The following DAPK1 variants were observed in gnomAD, a reference collection of about 807,000 sequenced individuals.
DAPK1 encodes the protein death associated protein kinase 1.
DAPK1 carries 56 observed loss-of-function variants against 144.9 expected under a neutral mutation model. The ratio of observed to expected loss-of-function variants is 0.39; its 90% CI spans 0.31 to 0.48. DAPK1 has a LOEUF of 0.48. DAPK1 is among the 20% of genes least tolerant of loss of function. The pLI, the probability that DAPK1 is intolerant of heterozygous loss-of-function variation, is 0.95. For synonymous variants in DAPK1, 690 were observed against 749.0 expected, an observed-to-expected ratio of 0.92 and a Z score of 1.29; for missense variants, 1,454 against 1,875.4, an observed-to-expected ratio of 0.78 and a Z score of 4.15.
At chr9:87,623,223 A>G (rs1222547565) in intron 3 of DAPK1, among the ~76,000 whole-genome samples, 1 of 152,196 alleles carries the variant, frequency 6.6e-6, no homozygotes, top group Admixed American at 6.5e-5. Context: ...CTTTTCACCA[A>G]TCCAGCATTC....
intron 20 of DAPK1, among the ~76,000 whole-genome samples, chr9:87,682,370 G>A (rs1334250484): frequency 1.3e-5 from 2 of 152,194 alleles, no homozygotes; most frequent in African/African-American, 4.8e-5. Context: ...CAGAGCGAGT[G>A]AGTTTGTGGA....
chr9:87,679,966 G>A (rs1264073738), intron 19 of DAPK1, among the ~76,000 whole-genome samples: 2 of 151,980 alleles, frequency 1.3e-5, no homozygotes, highest in Non-Finnish European at 2.9e-5. Context: ...TGATTAAATC[G>A]AAGGCTTCTA....
At chr9:87,527,615 A>G (rs1483523707) in intron 2 of DAPK1, among the ~76,000 whole-genome samples, 1 of 152,210 alleles carries the variant, frequency 6.6e-6, no homozygotes, top group Non-Finnish European at 1.5e-5. Flanking sequence ...AAAGATCCCT[A>G]AAGCCTTTAA....
chr9:87,652,199 C>CT (rs1830468515), intron 17 of DAPK1, among the ~76,000 whole-genome samples: 6 of 123,500 alleles, frequency 4.9e-5, no homozygotes, highest in Admixed American at 3.9e-4. Context: ...CTGTGTCCAT[C>CT]CCCCCGATCC....
chr9:87,518,923 A>G (rs1825187962), intron 2 of DAPK1, among the ~76,000 whole-genome samples: 1 of 151,990 alleles, frequency 6.6e-6, no homozygotes, highest in African/African-American at 2.4e-5. Flanking sequence ...TCCAGGAAAA[A>G]AAAAAAAAAG....
At chr9:87,651,246 T>G (rs1455897723) in intron 16 of DAPK1, among the ~76,000 whole-genome samples, 2 of 152,232 alleles carry the variant, frequency 1.3e-5, no homozygotes, top group Non-Finnish European at 2.9e-5. Context: ...TATCAACAAT[T>G]ACTTATGTTC....
intron 19 of DAPK1, 145 bp from the exon 20 acceptor site, chr9:87,681,259 C>T: frequency 3.4e-6 from 2 of 582,982 alleles, no homozygotes; most frequent in Non-Finnish European, 6.0e-6. Context: ...GTCTGGGCAA[C>T]AAGAGTGAAA....
At chr9:87,642,835 C>G (rs1015037786) in intron 10 of DAPK1, among the ~76,000 whole-genome samples, 9 of 152,204 alleles carry the variant, frequency 5.9e-5, no homozygotes, top group African/African-American at 2.2e-4. Context: ...CTTTCTCGCT[C>G]TCATTCTTTA....
At chr9:87,617,103 A>G (rs368881879) in intron 3 of DAPK1, among the ~76,000 whole-genome samples, 3 of 152,156 alleles carry the variant, frequency 2.0e-5, no homozygotes, top group South Asian at 4.1e-4. Flanking sequence ...CCCTTCCCCA[A>G]TGGCATCCTT....
chr9:87,637,661 A>G (rs991613470), intron 3 of DAPK1, among the ~76,000 whole-genome samples: 3 of 152,176 alleles, frequency 2.0e-5, no homozygotes, highest in African/African-American at 7.2e-5. Flanking sequence ...TGTTTTCAAG[A>G]TACACTGATA....
intron 19 of DAPK1, among the ~76,000 whole-genome samples, chr9:87,670,200 C>A (rs1489458775): frequency 6.6e-6 from 1 of 151,978 alleles, no homozygotes; most frequent in Non-Finnish European, 1.5e-5. Flanking sequence ...CAAGGGAGAT[C>A]CCGTGAGTCG....
intron 19 of DAPK1, among the ~76,000 whole-genome samples, chr9:87,669,343 T>TGG (rs10577481): frequency 4.0e-4 from 57 of 140,898 alleles, no homozygotes; most frequent in South Asian, 7.0e-4. Flanking sequence ...TTGCTTGGGG[T>TGG]GGGGGGGGGT....
intron 19 of DAPK1, among the ~76,000 whole-genome samples, chr9:87,673,578 G>A (rs1296610351): frequency 1.3e-5 from 2 of 152,172 alleles, no homozygotes; most frequent in African/African-American, 4.8e-5. Flanking sequence ...TGAGGCCAAG[G>A]CTACAGCTCT....
intron 2 of DAPK1, among the ~76,000 whole-genome samples, chr9:87,585,401 G>T (rs980970684): frequency 6.6e-6 from 1 of 152,190 alleles, no homozygotes; most frequent in Non-Finnish European, 1.5e-5. Context: ...GCTTATTGTA[G>T]CATGTAGGTT....
intron 3 of DAPK1, among the ~76,000 whole-genome samples, chr9:87,619,800 G>A (rs763912467): frequency 5.9e-5 from 9 of 152,196 alleles, no homozygotes; most frequent in Admixed American, 2.6e-4. Flanking sequence ...AGAGGTGGGC[G>A]GTTGAAAGTA....
chr9:87,562,287 A>G (rs1362830023), intron 2 of DAPK1, among the ~76,000 whole-genome samples: 2 of 152,240 alleles, frequency 1.3e-5, no homozygotes, highest in Admixed American at 6.5e-5. Flanking sequence ...CCAATAGCGA[A>G]CGTGAGTTAG....
intron 19 of DAPK1, among the ~76,000 whole-genome samples, chr9:87,678,277 A>G (rs1273979616): frequency 1.3e-5 from 2 of 152,366 alleles, no homozygotes; most frequent in East Asian, 1.9e-4. Flanking sequence ...GATCAGTAGC[A>G]TGCCCTAACT....
intron 2 of DAPK1, among the ~76,000 whole-genome samples, chr9:87,522,099 C>T (rs1825320265): frequency 6.6e-6 from 1 of 152,188 alleles, no homozygotes; most frequent in South Asian, 2.1e-4. Context: ...GGACCACGAG[C>T]TGAATAAATT....
chr9:87,632,352 G>A (rs1564032709), intron 3 of DAPK1: 1 of 984,052 alleles, frequency 1.0e-6, no homozygotes, highest in Non-Finnish European at 1.2e-6. Flanking sequence ...GAGTACATAT[G>A]TAGGGATGAA....
Sources: allele counts gnomAD v4.1 joint callset (sites outside exome capture counted in the v4.1 genomes callset), GRCh38; gene constraint gnomAD v4.1.1; transcripts MANE v1.5; gene names NCBI Gene and HGNC (gene_info 2026-07-23, HGNC 2026-07-21).